Variants in SLC71A1 observed in about 807,000 individuals in gnomAD.
SLC71A1 encodes the protein hippocampus abundant gene transcript 1.
chr1:100,068,124 T>C, the SLC71A1 span: 1 of 1,614,114 alleles, frequency 6.2e-7, no homozygotes, highest in South Asian at 1.1e-5. Flanking sequence ...TGTGCCAGAG[T>C]CGTTGCCTGA....
the SLC71A1 span, chr1:100,038,129 G>C: frequency 4.0e-6 from 4 of 999,244 alleles, no homozygotes; most frequent in South Asian, 2.8e-5. Flanking sequence ...GGCGGCGGGC[G>C]CCCAGAGCGG....
At chr1:100,059,162 T>TA in the SLC71A1 span, among the ~76,000 whole-genome samples, 1 of 135,946 alleles carries the variant, frequency 7.4e-6, no homozygotes, top group East Asian at 2.0e-4. Context: ...TTTTTTTTTT[T>TA]TTTTTTTTTG....
At chr1:100,070,318 C>T in the SLC71A1 span, among the ~76,000 whole-genome samples, 14 of 152,184 alleles carry the variant, frequency 9.2e-5, no homozygotes, top group South Asian at 2.1e-4. Flanking sequence ...ACAAAATTCT[C>T]AGGAGAGACT....
At chr1:100,051,728 A>T in the SLC71A1 span, among the ~76,000 whole-genome samples, 5 of 152,204 alleles carry the variant, frequency 3.3e-5, no homozygotes, top group African/African-American at 1.2e-4. Context: ...TTTAACATAC[A>T]AATCTGTCTG....
chr1:100,062,636 A>G, the SLC71A1 span, among the ~76,000 whole-genome samples: 1 of 152,202 alleles, frequency 6.6e-6, no homozygotes, highest in Non-Finnish European at 1.5e-5. Context: ...ATGTGAGACA[A>G]ATACCTTGTG....
chr1:100,047,790 A>T, the SLC71A1 span, among the ~76,000 whole-genome samples: 1 of 152,154 alleles, frequency 6.6e-6, no homozygotes, highest in Non-Finnish European at 1.5e-5. Context: ...GGATTTTTGC[A>T]TCAATGTTCA....
the SLC71A1 span, among the ~76,000 whole-genome samples, chr1:100,052,316 C>T: frequency 1.3e-5 from 2 of 151,572 alleles, no homozygotes; most frequent in Non-Finnish European, 2.9e-5. Context: ...ACATTTTTTT[C>T]CTAGTTGGAC....
the SLC71A1 span, among the ~76,000 whole-genome samples, chr1:100,045,573 T>C: frequency 6.6e-6 from 1 of 152,230 alleles, no homozygotes; most frequent in Non-Finnish European, 1.5e-5. Context: ...ATTTATCAGG[T>C]ACATCTGATA....
the SLC71A1 span, among the ~76,000 whole-genome samples, chr1:100,049,243 A>G: frequency 1.4e-4 from 21 of 150,764 alleles, no homozygotes; most frequent in African/African-American, 4.9e-4. Flanking sequence ...AATCTCTTAC[A>G]TACTTTCGCT....
At chr1:100,059,854 A>G in the SLC71A1 span, 2 of 1,580,628 alleles carry the variant, frequency 1.3e-6, no homozygotes, top group Non-Finnish European at 1.7e-6. Flanking sequence ...TGTGGTATTC[A>G]TTTTTTTCAT....
the SLC71A1 span, among the ~76,000 whole-genome samples, chr1:100,055,543 G>A: frequency 2.6e-5 from 4 of 151,604 alleles, no homozygotes; most frequent in African/African-American, 9.7e-5. Flanking sequence ...ATTAGAGAGG[G>A]CATGCCATTT....
At chr1:100,059,150 T>TTTTTTTTGTTTTTG in the SLC71A1 span, among the ~76,000 whole-genome samples, 1 of 115,796 alleles carries the variant, frequency 8.6e-6, no homozygotes, top group African/African-American at 3.8e-5. Context: ...TCGTGTTTTT[T>TTTTTTTTGTTTTTG]TTTTTTTTTT....
At chr1:100,072,067 G>A in the SLC71A1 span, among the ~76,000 whole-genome samples, 4 of 152,204 alleles carry the variant, frequency 2.6e-5, no homozygotes, top group Non-Finnish European at 5.9e-5. Flanking sequence ...TGCTTATGTA[G>A]AAGTAAGAAT....
chr1:100,047,539 C>T, the SLC71A1 span, among the ~76,000 whole-genome samples: 1 of 152,354 alleles, frequency 6.6e-6, no homozygotes, highest in East Asian at 1.9e-4. Context: ...TCTCCTGCCT[C>T]AGCTTCCTGA....
At chr1:100,056,168 C>T in the SLC71A1 span, among the ~76,000 whole-genome samples, 1 of 152,166 alleles carries the variant, frequency 6.6e-6, no homozygotes, top group African/African-American at 2.4e-5. Context: ...TCCTCTCTCC[C>T]ACTACCCTTC....
the SLC71A1 span, chr1:100,049,954 A>G: frequency 6.2e-7 from 1 of 1,611,040 alleles, no homozygotes. Context: ...AGTTATCGTC[A>G]TCTTTTTGGA....
At chr1:100,040,174 G>C in the SLC71A1 span, among the ~76,000 whole-genome samples, 2 of 152,222 alleles carry the variant, frequency 1.3e-5, no homozygotes, top group Admixed American at 6.5e-5. Context: ...TGTATGTTTG[G>C]ATCCCACAGG....
the SLC71A1 span, among the ~76,000 whole-genome samples, chr1:100,073,337 T>C: frequency 2.6e-5 from 4 of 152,338 alleles, no homozygotes; most frequent in African/African-American, 9.6e-5. Context: ...ATCTTACCTA[T>C]AACTCACTTT....
chr1:100,072,731 G>T, the SLC71A1 span, among the ~76,000 whole-genome samples: 1 of 152,084 alleles, frequency 6.6e-6, no homozygotes, highest in African/African-American at 2.4e-5. Flanking sequence ...AGTAGTTGCT[G>T]TCCCCTTTGG....
Sources: allele counts gnomAD v4.1 joint callset (sites outside exome capture counted in the v4.1 genomes callset), GRCh38; gene constraint gnomAD v4.1.1; transcripts MANE v1.5; gene names NCBI Gene and HGNC (gene_info 2026-07-23, HGNC 2026-07-21).